Variants in CHD7 observed in about 807,000 individuals in gnomAD.
CHD7 encodes ATP-dependent chromatin remodeler CHD7.
A neutral mutation model predicts 307.3 loss-of-function variants in CHD7; 24 were observed. The observed-to-expected ratio is 0.08, with a 90% CI of 0.06 to 0.11. The LOEUF (loss-of-function observed/expected upper bound fraction) is 0.11, where lower values mean the gene tolerates loss of function less well. Among genes scored for constraint, CHD7 ranks in the 10% least tolerant of loss-of-function variants. The pLI is 1.00. For missense variants in CHD7, 3,106 were observed against 3,727.1 expected (o/e 0.83, Z 4.34); for synonymous variants, 1,363 against 1,349.9 (o/e 1.01, Z -0.21).
At chr8:60,823,662 A>G (rs1439051904) in intron 12 of CHD7, among the ~76,000 whole-genome samples, 178 bp from the exon 13 acceptor site, 1 of 152,178 alleles carries the variant, frequency 6.6e-6, no homozygotes, top group Non-Finnish European at 1.5e-5. Context: ...TTTGTTTTCC[A>G]ATTCTGTTTT....
intron 2 of CHD7, among the ~76,000 whole-genome samples, chr8:60,762,130 G>C (rs561440599): frequency 6.6e-6 from 1 of 152,274 alleles, no homozygotes; most frequent in South Asian, 2.1e-4. Context: ...AGCATGTTCT[G>C]TCTGTGTAGG....
chr8:60,795,994 C>T (rs916369306), intron 4 of CHD7, among the ~76,000 whole-genome samples: 1 of 152,184 alleles, frequency 6.6e-6, no homozygotes, highest in African/African-American at 2.4e-5. Context: ...CAGGACTTTG[C>T]ACCTGTACCC....
At chr8:60,852,382 T>G (rs1805494798) in intron 29 of CHD7, 116 bp from the exon 30 acceptor site, 5 of 1,293,770 alleles carry the variant, frequency 3.9e-6, no homozygotes, top group Non-Finnish European at 5.3e-6. Flanking sequence ...AAGCAGTCTG[T>G]TTCCCCACCC....
chr8:60,696,085 G>T (rs1033140283), intron 1 of CHD7, among the ~76,000 whole-genome samples: 1 of 152,188 alleles, frequency 6.6e-6, no homozygotes, highest in African/African-American at 2.4e-5. Context: ...AGAATATCAT[G>T]CAGGCACTGA....
intron 2 of CHD7, among the ~76,000 whole-genome samples, chr8:60,752,115 A>G (rs762664970): frequency 2.0e-5 from 3 of 152,160 alleles, no homozygotes; most frequent in Non-Finnish European, 4.4e-5. Flanking sequence ...ATTCTGTACC[A>G]TAGGTTTCGG....
chr8:60,862,214 T>C lies in CHD7; in HGVS notation c.7849T>C (p.Phe2617Leu), dbSNP rs565642773. 46 of 1,610,606 alleles carry C rather than the reference T, an allele frequency of 2.9e-5. 1 individual carries two copies. In the South Asian group the frequency reaches 4.7e-4, roughly 16 times the overall value. Residue 2617 changes from phenylalanine to leucine, a missense_variant, in exon 36 of 38, where the codon TTT becomes CTT. Phe to Leu is a conservative substitution (Grantham distance 22). Coordinates refer to ENST00000423902, the MANE Select transcript of CHD7 (RefSeq NM_017780.4). ...TTTGCAGAAGAATGCAGATGTGCTGTTTTCCTCATTTCAGAAACCGAAACA... is the reference window on the plus strand; with the variant it reads ...TTTGCAGAAGAATGCAGATGTGCTGCTTTCCTCATTTCAGAAACCGAAACA... Reference protein sequence around the residue: ...SYVPKNADVLFSSFQKPKQKR... With the variant: ...SYVPKNADVLLSSFQKPKQKR...
chr8:60,849,462 C>A (rs749420080), intron 25 of CHD7, among the ~76,000 whole-genome samples: 1 of 152,208 alleles, frequency 6.6e-6, no homozygotes, highest in Non-Finnish European at 1.5e-5. Flanking sequence ...TCCAGCGCGG[C>A]TTCCCTTGCT....
chr8:60,809,668 G>GAAAAAAAAAAAA, intron 7 of CHD7: 1 of 96,342 alleles, frequency 1.0e-5, no homozygotes, highest in Non-Finnish European at 2.0e-5. Flanking sequence ...AGGGAGTTTT[G>GAAAAAAAAAAAA]AAAAAAAAAA....
At chr8:60,740,914 A>G (rs982445227) in intron 1 of CHD7, among the ~76,000 whole-genome samples, 9 of 152,214 alleles carry the variant, frequency 5.9e-5, no homozygotes, top group South Asian at 2.1e-4. Context: ...ATATTCATAC[A>G]TCTGCTTGCC....
chr8:60,714,543 C>T (rs1343668187), intron 1 of CHD7, among the ~76,000 whole-genome samples: 1 of 152,164 alleles, frequency 6.6e-6, no homozygotes, highest in Non-Finnish European at 1.5e-5. Flanking sequence ...GCGCTGGCAC[C>T]TGGCTCAGCC....
chr8:60,745,715 AG>A (rs1347033849), intron 2 of CHD7, among the ~76,000 whole-genome samples: 1 of 152,308 alleles, frequency 6.6e-6, no homozygotes, highest in Non-Finnish European at 1.5e-5. Context: ...GGAGGTGTGA[AG>A]TCTCAGGCAC....
intron 23 of CHD7, among the ~76,000 whole-genome samples, chr8:60,848,179 A>G (rs146608106): frequency 6.6e-6 from 1 of 152,360 alleles, no homozygotes; most frequent in African/African-American, 2.4e-5. Flanking sequence ...AGTTGTTTAC[A>G]AACTTGCTTC....
intron 4 of CHD7, among the ~76,000 whole-genome samples, chr8:60,795,966 T>G (rs983346070): frequency 6.6e-6 from 1 of 152,182 alleles, no homozygotes; most frequent in Non-Finnish European, 1.5e-5. Context: ...CTGGACTTTT[T>G]CTTATTTAGT....
At chr8:60,686,915 G>A (rs1046789670) in intron 1 of CHD7, among the ~76,000 whole-genome samples, 2 of 152,144 alleles carry the variant, frequency 1.3e-5, no homozygotes, top group African/African-American at 4.8e-5. Flanking sequence ...CATTTTGAAA[G>A]AAACCACAAA....
chr8:60,853,801 A>AT (rs1456786845), intron 31 of CHD7, among the ~76,000 whole-genome samples: 1 of 152,216 alleles, frequency 6.6e-6, no homozygotes, highest in African/African-American at 2.4e-5. Context: ...ATTCTATGTG[A>AT]TTTTAATTTT....
At chr8:60,744,274 A>C (rs1210117294) in intron 2 of CHD7, among the ~76,000 whole-genome samples, 2 of 152,142 alleles carry the variant, frequency 1.3e-5, no homozygotes, top group East Asian at 3.8e-4. Context: ...ATTTGGACTT[A>C]AACGGGGAGG....
intron 1 of CHD7, among the ~76,000 whole-genome samples, chr8:60,715,461 A>C (rs958358185): frequency 1.3e-5 from 2 of 151,784 alleles, no homozygotes; most frequent in African/African-American, 4.8e-5. Context: ...CTGGGATTAC[A>C]GGCACCTGCC....
intron 2 of CHD7, among the ~76,000 whole-genome samples, chr8:60,747,964 A>G (rs748066474): frequency 6.6e-6 from 1 of 152,262 alleles, no homozygotes; most frequent in Non-Finnish European, 1.5e-5. Context: ...TGCCTGTTGC[A>G]GAGCTTTAAG....
intron 1 of CHD7, among the ~76,000 whole-genome samples, chr8:60,686,521 G>C (rs1805900094): frequency 6.6e-6 from 1 of 152,182 alleles, no homozygotes; most frequent in Non-Finnish European, 1.5e-5. Flanking sequence ...TGCTTCTTTG[G>C]GGCCTGCCTT....
Sources: allele counts gnomAD v4.1 joint callset (sites outside exome capture counted in the v4.1 genomes callset), GRCh38; gene constraint gnomAD v4.1.1; transcripts MANE v1.5; gene names NCBI Gene and HGNC (gene_info 2026-07-23, HGNC 2026-07-21).